N4BP2L2: variants seen among roughly 807,000 people sequenced by gnomAD.
N4BP2L2 encodes the protein NEDD4 binding protein 2 like 2, also known as NEDD4-binding protein 2-like 2.
A neutral mutation model predicts 56.2 loss-of-function variants in N4BP2L2; 50 were observed. That is an observed-to-expected ratio of 0.89 (90% confidence interval 0.71 to 1.13). The LOEUF is 1.13. N4BP2L2 is among the 50% of genes most tolerant of loss of function. The pLI is 0.00. For synonymous variants in N4BP2L2, 203 were observed against 223.6 expected (o/e 0.91, Z 0.82); for missense variants, 689 against 693.8 (o/e 0.99, Z 0.08).
At chr13:32,451,227 G>A (rs7337721) in intron 6 of N4BP2L2, among the ~76,000 whole-genome samples, 6,927 of 151,902 alleles carry the variant, frequency 0.046, 513 homozygotes, top group African/African-American at 0.16. Context: ...GAGGCCAGAA[G>A]TTTTAAGACC....
intron 9 of N4BP2L2, among the ~76,000 whole-genome samples, chr13:32,433,582 A>G (rs138341628): frequency 0.044 from 6,654 of 151,926 alleles, 240 homozygotes; most frequent in African/African-American, 0.1. Flanking sequence ...GCAGTGAGCC[A>G]CTGTACTCCA....
chr13:32,503,663 CATTA>C (rs1354820054), intron 6 of N4BP2L2, among the ~76,000 whole-genome samples: 1 of 152,220 alleles, frequency 6.6e-6, no homozygotes, highest in Non-Finnish European at 1.5e-5. Flanking sequence ...TTATTTCCAT[CATTA>C]ATTCACACAA....
chr13:32,473,871 G>A (rs1159387240), intron 6 of N4BP2L2, among the ~76,000 whole-genome samples: 1 of 152,166 alleles, frequency 6.6e-6, no homozygotes, highest in Non-Finnish European at 1.5e-5. Flanking sequence ...ACTATTTTAA[G>A]GTCAGTTGAT....
chr13:32,498,983 T>G (rs2089405419), intron 6 of N4BP2L2, among the ~76,000 whole-genome samples: 1 of 98,354 alleles, frequency 1.0e-5, no homozygotes, highest in Admixed American at 1.1e-4. Flanking sequence ...AGCAAGACTC[T>G]GTCTAAAAAA....
At chr13:32,536,966 G>A in exon 2 of N4BP2L2, 2 of 1,611,578 alleles carry the variant, frequency 1.2e-6, no homozygotes, top group Admixed American at 1.7e-5. Context: ...TTTACAGCGT[G>A]GCTCACTCGT....
intron 3 of N4BP2L2, chr13:32,526,740 A>C (rs2052930162): frequency 6.6e-6 from 1 of 151,398 alleles, no homozygotes; most frequent in African/African-American, 2.4e-5. Flanking sequence ...TCAAAACAAA[A>C]AGTATCAATG....
At chr13:32,459,290 A>G (rs559196916) in intron 6 of N4BP2L2, among the ~76,000 whole-genome samples, 1 of 152,308 alleles carries the variant, frequency 6.6e-6, no homozygotes, top group East Asian at 1.9e-4. Flanking sequence ...TAAAAATCAG[A>G]GAAGTAAAAA....
At chr13:32,466,467 T>C (rs2081253799) in intron 6 of N4BP2L2, among the ~76,000 whole-genome samples, 2 of 151,916 alleles carry the variant, frequency 1.3e-5, no homozygotes, top group South Asian at 4.2e-4. Context: ...CTCCAGAGGC[T>C]GAGGCACAAG....
intron 2 of N4BP2L2, among the ~76,000 whole-genome samples, chr13:32,532,165 A>C (rs898027079): frequency 6.6e-6 from 1 of 152,232 alleles, no homozygotes; most frequent in Admixed American, 6.5e-5. Context: ...CACAGGTTTT[A>C]GGGATTAAAA....
chr13:32,483,775 A>G (rs2085260702), intron 6 of N4BP2L2, among the ~76,000 whole-genome samples: 1 of 152,152 alleles, frequency 6.6e-6, no homozygotes, highest in South Asian at 2.1e-4. Context: ...CGGGAATGAT[A>G]CTACCAGGCT....
chr13:32,487,494 A>G (rs2139263914), intron 6 of N4BP2L2, among the ~76,000 whole-genome samples: 1 of 151,604 alleles, frequency 6.6e-6, no homozygotes, highest in South Asian at 2.1e-4. Context: ...AGGAAAAAGA[A>G]AAGAAAAAAA....
Position 32,527,504 on chromosome 13 carries a change from T to C in N4BP2L2, c.1288A>G (p.Ile430Val), listed in dbSNP as rs769543216. Residue 430 changes from isoleucine (I) to valine (V), a missense_variant, in exon 3 of 6, where the codon ATT (isoleucine) becomes GTT (valine). Ile to Val is a conservative substitution (Grantham distance 29). Transcript: ENST00000267068. ...AAATAGTCATCAGTGCTGAACACAA[T>C]GCCATCACGATTCTGACCAAGCAGA... The C allele has an allele frequency of 3.8e-5, 62 of 1,613,194 alleles. No homozygotes were observed. Among genetic ancestry groups the C allele is most frequent in the Non-Finnish European group, 5.1e-5 (60 of 1,179,960 alleles).
intron 5 of N4BP2L2, among the ~76,000 whole-genome samples, chr13:32,519,771 T>C (rs1412903563): frequency 6.6e-6 from 1 of 152,148 alleles, no homozygotes; most frequent in Non-Finnish European, 1.5e-5. Context: ...ATGCCAATAT[T>C]TATGATTCAA....
At chr13:32,497,116 C>A (rs180872931) in intron 6 of N4BP2L2, among the ~76,000 whole-genome samples, 1 of 152,164 alleles carries the variant, frequency 6.6e-6, no homozygotes, top group Non-Finnish European at 1.5e-5. Context: ...CTCTTGGTAA[C>A]CTGCCATCCC....
At chr13:32,443,794 G>A (rs1336875798) in exon 7 of N4BP2L2, 1 of 1,582,834 alleles carries the variant, frequency 6.3e-7, no homozygotes, top group African/African-American at 1.4e-5. Flanking sequence ...ATTCTTTGGT[G>A]TGTTGTCTAA....
chr13:32,495,937 C>T (rs966069889), intron 6 of N4BP2L2, among the ~76,000 whole-genome samples: 2 of 152,156 alleles, frequency 1.3e-5, no homozygotes, highest in Non-Finnish European at 2.9e-5. Context: ...CCTGCCTCAG[C>T]CTCCCAAAGT....
At chr13:32,527,858 G>A (rs2053528388) in intron 2 of N4BP2L2, among the ~76,000 whole-genome samples, 2 of 147,916 alleles carry the variant, frequency 1.4e-5, no homozygotes, top group African/African-American at 2.5e-5. Context: ...TGCAACCTCC[G>A]CCTCCCGGGT....
chr13:32,520,844 C>A (rs1022135495), intron 5 of N4BP2L2, among the ~76,000 whole-genome samples: 1 of 152,176 alleles, frequency 6.6e-6, no homozygotes, highest in African/African-American at 2.4e-5. Context: ...ACTCATTTGG[C>A]AGCAAACTCT....
chr13:32,452,087 G>A (rs1429722427), intron 6 of N4BP2L2, among the ~76,000 whole-genome samples: 3 of 145,540 alleles, frequency 2.1e-5, no homozygotes, highest in African/African-American at 7.7e-5. Context: ...TTGGGATGGA[G>A]TTTCACTCTC....
Sources: gnomAD v4.1 joint callset for allele counts (sites outside exome capture counted in the v4.1 genomes callset) on GRCh38, gnomAD v4.1.1 for gene constraint, MANE v1.5 for transcripts, NCBI Gene and HGNC (gene_info 2026-07-23, HGNC 2026-07-21) for gene names.